Variants in COPA observed in about 807,000 individuals in gnomAD.
COPA encodes coatomer subunit alpha.
In COPA, 10 loss-of-function variants were observed where a neutral mutation model predicts 158.7. The observed-to-expected ratio is 0.06, with a 90% confidence interval of 0.04 to 0.11. The LOEUF (loss-of-function observed/expected upper bound fraction) is 0.11, where lower values mean the gene tolerates loss of function less well. Ranked by LOEUF, COPA falls within the 10% of genes least tolerant of loss-of-function variation. COPA has a pLI of 1.00. For synonymous variants in COPA, 462 were observed against 542.8 expected, an observed-to-expected ratio of 0.85 and a Z score of 2.07; for missense variants, 1,065 against 1,536.7, an observed-to-expected ratio of 0.69 and a Z score of 5.13.
chr1:160,309,101 C>A lies in COPA; in HGVS notation c.1219G>T (p.Ala407Ser), dbSNP rs745626021. Residue 407 changes from alanine (A) to serine (S), a missense_variant and splice_region_variant, in exon 13 of 33, where the codon GCG becomes TCG. By Grantham distance (99) the Ala-to-Ser change is moderately conservative. This residue lies in a region of COPA where 980 missense variants were observed against 1,357.8 expected (regional missense o/e 0.72). Transcript: ENST00000241704. Reference protein sequence around the residue: ...PKDADSQNPDAPEGKRSSGLT... With the variant: ...PKDADSQNPDSPEGKRSSGLT... Reference sequence around the variant, plus strand: ...TGGGGTAGACAAAAAGAACACTTACCATCAGGATTCTGGGAGTCAGCATCT... The same window carrying A: ...TGGGGTAGACAAAAAGAACACTTACAATCAGGATTCTGGGAGTCAGCATCT... 7 of 1,612,156 alleles carry A rather than the reference C, an allele frequency of 4.3e-6. No homozygotes were observed. In the Admixed American group the frequency reaches 1.2e-4, roughly 27 times the overall value.
intron 8 of COPA, chr1:160,317,642 G>A: frequency 1.3e-6 from 2 of 1,529,320 alleles, no homozygotes; most frequent in East Asian, 2.2e-5. Flanking sequence ...AAAGAACTGG[G>A]AATGGAGGAA....
chr1:160,315,375 G>A (rs1016795371), intron 8 of COPA, among the ~76,000 whole-genome samples: 3 of 152,222 alleles, frequency 2.0e-5, no homozygotes, highest in Non-Finnish European at 2.9e-5. Context: ...CAGAAACTCT[G>A]CTCTGTTACT....
chr1:160,333,124 A>G (rs920425439), intron 5 of COPA, among the ~76,000 whole-genome samples: 2 of 152,204 alleles, frequency 1.3e-5, no homozygotes, highest in African/African-American at 4.8e-5. Context: ...GGGTTTCACC[A>G]TCTTGGCCAG....
intron 6 of COPA, among the ~76,000 whole-genome samples, chr1:160,328,323 A>G (rs941785398): frequency 6.6e-6 from 1 of 152,262 alleles, no homozygotes; most frequent in African/African-American, 2.4e-5. Context: ...AAGCCGTATG[A>G]CAGAATGGAA....
chr1:160,305,595 T>C (rs1443594108), intron 16 of COPA, 24 bp from the exon 17 acceptor site: 2 of 1,613,850 alleles, frequency 1.2e-6, no homozygotes, highest in Non-Finnish European at 1.7e-6. Flanking sequence ...AGGGCATGAG[T>C]GTTCTGTTGG....
At chr1:160,329,497 C>T (rs1365839923) in intron 6 of COPA, among the ~76,000 whole-genome samples, 2 of 151,870 alleles carry the variant, frequency 1.3e-5, no homozygotes, top group African/African-American at 4.8e-5. Flanking sequence ...GTATTTCATG[C>T]CTTGAGCATT....
chr1:160,332,180 T>G (rs1457333023), intron 6 of COPA, among the ~76,000 whole-genome samples: 2 of 152,228 alleles, frequency 1.3e-5, no homozygotes, highest in African/African-American at 4.8e-5. Context: ...GTTGCAACAG[T>G]AAATAGATTT....
chr1:160,304,282 G>A (rs188333398), intron 17 of COPA, among the ~76,000 whole-genome samples: 6 of 151,668 alleles, frequency 4.0e-5, no homozygotes, highest in Non-Finnish European at 7.4e-5. Context: ...CCAAAGTGCT[G>A]GGATTACAGA....
chr1:160,289,473 C>A lies in COPA; in HGVS notation c.*684G>T, dbSNP rs977576571. The A allele has an allele frequency of 6.6e-6, 1 of 152,042 alleles. No individual in the cohort carries two copies. Among genetic ancestry groups the A allele is most frequent in the African/African-American group, 2.4e-5 (1 of 41,372 alleles). The allele number at this position is 152,042 out of a possible 1,614,324, so 9.4% of individuals were successfully genotyped here. ...ATTAAGAGTTGGTGTGGCCTAGTCA[C>A]ACCAAAATGTATTTATTACATCCTG... is the stretch of plus-strand genomic sequence containing the variant. On this transcript the variant is annotated 3_prime_UTR_variant, in exon 33 of 33. Coordinates refer to ENST00000241704, the MANE Select transcript of COPA (RefSeq NM_004371.4).
At chr1:160,307,997 C>G (rs1658844405) in intron 13 of COPA, among the ~76,000 whole-genome samples, 1 of 152,158 alleles carries the variant, frequency 6.6e-6, no homozygotes, top group African/African-American at 2.4e-5. Context: ...TAATTATTAT[C>G]AAAACCAACA....
Position 160,291,995 on chromosome 1 carries a change from C to T in COPA, c.3147+17G>A, listed in dbSNP as rs764093655. 1.7e-5 allele frequency: 28 copies of T among 1,613,890 alleles called. 1 individual carries two copies. The highest frequency in any genetic ancestry group is 5.5e-5 in the South Asian group (5 of 91,062). ...GTGGAAGTGCCCAGAACTGGGACAG[C>T]GGCTAGACCCTCCTACCTCTGCAAT... On this transcript the variant is annotated intron_variant, in intron 29 of 32. Coordinates refer to ENST00000241704, the MANE Select transcript of COPA (RefSeq NM_004371.4).
In COPA at chr1:160,305,564, C is replaced by T; in HGVS notation, c.1536G>A (p.Val512=). The T allele has an allele frequency of 6.2e-7, 1 of 1,614,118 alleles. No homozygotes were observed. Among genetic ancestry groups the T allele is most frequent in the South Asian group, 1.1e-5 (1 of 91,088 alleles). The stretch of plus-strand genomic sequence containing the variant: ...AAGCATCCAGTTTGCGGTTACAGAT[C>T]ACAATGGCTGTAAGAGGCAAAGGGC... ...HVALLAKHAI[V]ICNRKLDALC... Residue 512 remains valine, a synonymous_variant, in exon 17 of 33, where the codon GTG becomes GTA. Coordinates refer to ENST00000241704, the MANE Select transcript of COPA (RefSeq NM_004371.4).
In COPA at chr1:160,315,243, G is replaced by C. The variant is rs376340530; in HGVS notation, c.707-1118C>G. Among the ~76,000 whole-genome samples the C allele has an allele frequency of 4.6e-5, 7 of 152,280 alleles. No homozygotes were observed. The South Asian group carries it at 1.5e-3, about 32-fold the overall frequency. On this transcript the variant is annotated intron_variant, in intron 8 of 32. Coordinates refer to ENST00000241704, the MANE Select transcript of COPA (RefSeq NM_004371.4). ...AACTACCTTCCCCATCTTCCTGGGT[G>C]CCCTGGCAGGAGATCTAACCTTGAC... is the stretch of plus-strand genomic sequence containing the variant.
intron 25 of COPA, among the ~76,000 whole-genome samples, 173 bp from the exon 26 acceptor site, chr1:160,293,636 A>T (rs148610765): frequency 6.6e-6 from 1 of 152,060 alleles, no homozygotes; most frequent in African/African-American, 2.4e-5. Context: ...CTGGGACTGC[A>T]GGCATGAGTC....
rs896993360 is a variant in COPA at position 160,314,050 on chromosome 1, T to C, written c.782A>G (p.Gln261Arg). The change falls in exon 9 of 33, where the codon CAA becomes CGA. Residue 261 changes from glutamine to arginine, a missense_variant. By Grantham distance (43) the Gln-to-Arg change is conservative. Around this residue, in one of 2 missense-constraint regions of COPA, gnomAD observed 980 missense variants for 1,357.8 expected, o/e 0.72. Coordinates refer to ENST00000241704, the MANE Select transcript of COPA (RefSeq NM_004371.4). ...CTCAGAATTGCTGAGGATCAACTCT[T>C]GGCGAGGGTGGAAGACGGCACAAGA... The part of the protein sequence containing the change: ...NVSCAVFHPR[Q>R]ELILSNSEDK... 6.2e-7 allele frequency: 1 copy of C among 1,614,074 alleles called. No homozygotes were observed. Among genetic ancestry groups the C allele is most frequent in the East Asian group, 2.2e-5 (1 of 44,864 alleles).
chr1:160,309,775 G>T (rs1235066671), intron 12 of COPA, among the ~76,000 whole-genome samples: 1 of 144,770 alleles, frequency 6.9e-6, no homozygotes, highest in African/African-American at 2.6e-5. Context: ...TCTGTTGCAA[G>T]AAACAGAGAG....
At chr1:160,340,070 T>C in intron 2 of COPA, 88 bp from the exon 3 acceptor site, 1 of 1,528,282 alleles carries the variant, frequency 6.5e-7, no homozygotes, top group Non-Finnish European at 9.1e-7. Context: ...TTCAGTTCTA[T>C]CATTTCCACA....
intron 1 of COPA, among the ~76,000 whole-genome samples, chr1:160,341,034 T>C (rs1648018395): frequency 6.6e-6 from 1 of 152,238 alleles, no homozygotes; most frequent in Admixed American, 6.5e-5. Context: ...TTGCCTTCTC[T>C]GGAGAATTAT....
intron 13 of COPA, 67 bp downstream of exon 13, chr1:160,309,034 G>C: frequency 5.4e-6 from 7 of 1,289,258 alleles, no homozygotes; most frequent in East Asian, 2.3e-5. Flanking sequence ...TGAAAAACTT[G>C]AAGAGGAGTT....
Sources: gnomAD v4.1 joint callset for allele counts (sites outside exome capture counted in the v4.1 genomes callset) on GRCh38, gnomAD v4.1.1 for gene constraint, gnomAD v4.1.1 regional missense constraint, MANE v1.5 for transcripts, NCBI Gene and HGNC (gene_info 2026-07-23, HGNC 2026-07-21) for gene names.